The following DECR2 variants were observed in gnomAD, a reference collection of about 807,000 sequenced individuals.
The protein encoded by DECR2 is 2,4-dienoyl-CoA reductase 2.
In DECR2, 34 loss-of-function variants were observed where a neutral mutation model predicts 29.2. The ratio of observed to expected loss-of-function variants is 1.16; its 90% CI spans 0.89 to 1.55. The LOEUF is 1.55. DECR2 is among the 40% of genes most tolerant of loss of function. DECR2 has a pLI of 0.00. For missense variants in DECR2, 485 were observed against 425.3 expected (o/e 1.14, Z -1.23); for synonymous variants, 224 against 182.7 (o/e 1.23, Z -1.82).
chr16:410,255 A>G lies in DECR2; in HGVS notation c.350A>G (p.Asn117Ser). 6.2e-7 allele frequency: 1 copy of G among 1,613,262 alleles called. No homozygotes were observed. The highest frequency in any genetic ancestry group is 1.1e-5 in the South Asian group (1 of 91,028). The change falls in exon 5 of 9, where the codon AAC becomes AGC. Residue 117 changes from asparagine to serine, a missense_variant. Physicochemically the swap from Asn to Ser is conservative, Grantham distance 46. Coordinates refer to ENST00000219481, the MANE Select transcript of DECR2 (RefSeq NM_020664.4). This position sits in a 1 kb window ranked among gnomAD's most constrained non-coding sequence, Gnocchi z 4.1. ...IDILINCAAG[N>S]FLCPAGALSF... ...TCCCATTCTGCAGGTGCGGCCGGGAACTTCCTGTGCCCCGCTGGCGCCTTG... is the reference window on the plus strand; with the variant it reads ...TCCCATTCTGCAGGTGCGGCCGGGAGCTTCCTGTGCCCCGCTGGCGCCTTG...
chr16:404,440 ATGT>A (rs1025606711), intron 1 of DECR2, among the ~76,000 whole-genome samples: 1 of 150,674 alleles, frequency 6.6e-6, no homozygotes, highest in African/African-American at 2.4e-5. Flanking sequence ...GGGTTTCTCC[ATGT>A]TGGTCAGGCT....
At chr16:411,099 G>C (rs1037130609) in intron 7 of DECR2, 23 bp downstream of exon 7, 1 of 1,481,710 alleles carries the variant, frequency 6.7e-7, no homozygotes, top group South Asian at 1.4e-5. Flanking sequence ...GGGAGCCCAG[G>C]CCTCCCACAG....
chr16:411,658 C>T, intron 8 of DECR2, 80 bp downstream of exon 8: 1 of 1,471,018 alleles, frequency 6.8e-7, no homozygotes, highest in Non-Finnish European at 9.2e-7. Context: ...CTGCGGGACC[C>T]ACGGGGCTGG....
At chr16:409,433 G>A (rs8063730) in intron 4 of DECR2, among the ~76,000 whole-genome samples, 1 of 150,344 alleles carries the variant, frequency 6.7e-6, no homozygotes, top group South Asian at 2.1e-4. Context: ...GCCTCCCAAA[G>A]TGCTGGGATT....
intron 1 of DECR2, among the ~76,000 whole-genome samples, chr16:402,340 G>A (rs1418789956): frequency 6.6e-6 from 1 of 151,926 alleles, no homozygotes; most frequent in African/African-American, 2.4e-5. Context: ...CACCGTGTTG[G>A]TCAGGCTCTT....
In DECR2 at chr16:407,545, G is replaced by C; in HGVS notation, c.322G>C (p.Asp108His). Reference sequence around the variant, plus strand: ...GGCTCTGAAGGAGTTTGGCAGAATCGACATTCTCATTAACTGTGAGTCGGT... The same window carrying C: ...GGCTCTGAAGGAGTTTGGCAGAATCCACATTCTCATTAACTGTGAGTCGGT... ...DQALKEFGRI[D>H]ILINCAAGNF... is the part of the protein sequence containing the mutation. The change falls in exon 4 of 9, where the codon GAC becomes CAC. Residue 108 changes from aspartate (D) to histidine (H), a missense_variant. By Grantham distance (81) the Asp-to-His change is moderately conservative. Coordinates refer to ENST00000219481, the MANE Select transcript of DECR2 (RefSeq NM_020664.4). 1 of 1,613,972 alleles carries C rather than the reference G, an allele frequency of 6.2e-7. No homozygotes were observed. Among genetic ancestry groups the C allele is most frequent in the African/African-American group, 1.3e-5 (1 of 75,032 alleles).
At chr16:407,758 C>T in intron 4 of DECR2, among the ~76,000 whole-genome samples, 198 bp downstream of exon 4, 1 of 150,480 alleles carries the variant, frequency 6.6e-6, no homozygotes, top group African/African-American at 2.4e-5. Flanking sequence ...CTCCGGCCCC[C>T]TGTCTCCGGG....
chr16:408,778 A>C (rs1438233834), intron 4 of DECR2, among the ~76,000 whole-genome samples: 1 of 151,822 alleles, frequency 6.6e-6, no homozygotes, highest in South Asian at 2.1e-4. Context: ...TGGCCTCCCA[A>C]AATGCTGGGA....
At chr16:402,470 T>C (rs1290233992) in intron 1 of DECR2, among the ~76,000 whole-genome samples, 1 of 151,934 alleles carries the variant, frequency 6.6e-6, no homozygotes, top group Non-Finnish European at 1.5e-5. Flanking sequence ...AATTTTAGGT[T>C]GAAATCATTT....
Position 407,547 on chromosome 16 carries a change from C to G in DECR2, c.324C>G (p.Asp108Glu), listed in dbSNP as rs754154385. The G allele has an allele frequency of 6.2e-7, 1 of 1,613,964 alleles. No individual in the cohort carries two copies. The highest frequency in any genetic ancestry group is 8.5e-7 in the Non-Finnish European group (1 of 1,179,896). Residue 108 changes from aspartate (D) to glutamate (E), a missense_variant, in exon 4 of 9, where the codon GAC becomes GAG. Asp to Glu is a conservative substitution (Grantham distance 45, BLOSUM62 2). Transcript: ENST00000219481. ...DQALKEFGRI[D>E]ILINCAAGNF... is the part of the protein sequence containing the mutation. ...CTCTGAAGGAGTTTGGCAGAATCGA[C>G]ATTCTCATTAACTGTGAGTCGGTGC...
At chr16:403,072 T>C (rs912428302) in intron 1 of DECR2, 20 of 978,468 alleles carry the variant, frequency 2.0e-5, no homozygotes, top group African/African-American at 3.5e-5. Context: ...AAGTTTTTTT[T>C]CGAAACGGAG....
Position 402,028 on chromosome 16 carries a change from G to A in DECR2, c.65G>A (p.Cys22Tyr). 2 of 1,474,840 alleles carry A rather than the reference G, an allele frequency of 1.4e-6. No homozygotes were observed. Among genetic ancestry groups the A allele is most frequent in the Non-Finnish European group, 1.8e-6 (2 of 1,118,252 alleles). 91.4% of individuals were successfully genotyped at this position (1,474,840 alleles called of 1,614,324 possible). Residue 22 changes from cysteine to tyrosine, a missense_variant, in exon 1 of 9, where the codon TGC becomes TAC. By Grantham distance (194) the Cys-to-Tyr change is radical. Coordinates refer to ENST00000219481, the MANE Select transcript of DECR2 (RefSeq NM_020664.4). ...DCLPAYRHLF[C>Y]PDLLRDKVAF... ...CTCCCCGCGTACCGCCACCTCTTCTGCCCGGACCTGCTGCGGTGAGCGGGG... is the reference window on the plus strand; with the variant it reads ...CTCCCCGCGTACCGCCACCTCTTCTACCCGGACCTGCTGCGGTGAGCGGGG...
intron 3 of DECR2, chr16:407,180 G>A: frequency 7.5e-7 from 1 of 1,334,470 alleles, no homozygotes; most frequent in Non-Finnish European, 9.6e-7. Flanking sequence ...GGTGACAGTG[G>A]CCTGGAGGGC....
chr16:405,095 C>G, intron 2 of DECR2, 71 bp downstream of exon 2: 1 of 1,576,854 alleles, frequency 6.3e-7, no homozygotes, highest in Admixed American at 1.7e-5. Context: ...TGCCCGACCC[C>G]TGGAAAGATG....
In DECR2 at chr16:411,437, C is replaced by G; in HGVS notation, c.738C>G (p.Ala246=). 1 of 1,613,562 alleles carries G rather than the reference C, an allele frequency of 6.2e-7. No homozygotes were observed. Among genetic ancestry groups the G allele is most frequent in the Non-Finnish European group, 8.5e-7 (1 of 1,180,006 alleles). Residue 246 remains alanine, a synonymous_variant, in exon 8 of 9, where the codon GCC becomes GCG. Transcript: ENST00000219481. ...GGCTGGGGAACAAGACCGAGATCGC[C>G]CACAGCGTGCTCTACCTGGCCAGCC... ...LQRLGNKTEI[A]HSVLYLASPL...
In DECR2 at chr16:405,135, C is replaced by T. The variant is rs933967853; in HGVS notation, c.149+111C>T. The T allele has an allele frequency of 1.1e-5, 15 of 1,334,282 alleles. No individual in the cohort carries two copies. In the East Asian group the frequency reaches 3.2e-4, roughly 29 times the overall value. The allele number at this position is 1,334,282 out of a possible 1,614,324, so 82.7% of individuals were successfully genotyped here. ...TGGGAGGTAGATGTCCCCTGCTCACCTACCCGACAGGATCCAGGTGCCTGC... is the reference window on the plus strand; with the variant it reads ...TGGGAGGTAGATGTCCCCTGCTCACTTACCCGACAGGATCCAGGTGCCTGC... On this transcript the variant is annotated intron_variant, in intron 2 of 8. Transcript: ENST00000219481.
At chr16:404,190 A>G (rs1333771094) in intron 1 of DECR2, among the ~76,000 whole-genome samples, 1 of 151,164 alleles carries the variant, frequency 6.6e-6, no homozygotes, top group Non-Finnish European at 1.5e-5. Context: ...ATAAAAAATA[A>G]ATAAATAAAT....
In DECR2 at chr16:410,392, G is replaced by C. The variant is rs1255870839; in HGVS notation, c.462+25G>C. 1 of 1,596,000 alleles carries C rather than the reference G, an allele frequency of 6.3e-7. No individual in the cohort carries two copies. The highest frequency in any genetic ancestry group is 1.4e-5 in the African/African-American group (1 of 72,258). ...GGTGGGTGCCTCGTGCGCTCTGTGA[G>C]AAGTTCTTCCGGGTGGGTGCCTCGT... On this transcript the variant is annotated intron_variant, in intron 5 of 8. Transcript: ENST00000219481. This position sits in a 1 kb window ranked among gnomAD's most constrained non-coding sequence, Gnocchi z 4.1.
chr16:411,021 C>T lies in DECR2; in HGVS notation c.606C>T (p.Arg202=), dbSNP rs374085698. 24 of 1,600,220 alleles carry T rather than the reference C, an allele frequency of 1.5e-5. No homozygotes were observed. The highest frequency in any genetic ancestry group is 4.5e-5 in the East Asian group (2 of 44,408). The part of the protein sequence containing the change: ...LAVEWGPQNI[R]VNSLAPGPIS... Reference sequence around the variant, plus strand: ...TGGAGTGGGGTCCCCAAAACATCCGCGTCAACAGCCTCGCCCCTGGCCCCA... The same window carrying T: ...TGGAGTGGGGTCCCCAAAACATCCGTGTCAACAGCCTCGCCCCTGGCCCCA... The change falls in exon 7 of 9, where the codon CGC becomes CGT. Residue 202 remains arginine (R), a synonymous_variant. Transcript: ENST00000219481.
Sources: gnomAD v4.1 joint callset for allele counts (sites outside exome capture counted in the v4.1 genomes callset) on GRCh38, gnomAD v4.1.1 for gene constraint, Gnocchi (gnomAD v3.1) non-coding constraint, MANE v1.5 for transcripts, NCBI Gene and HGNC (gene_info 2026-07-23, HGNC 2026-07-21) for gene names.